ARL3: variants seen among roughly 807,000 people sequenced by gnomAD.
ARL3 encodes the protein ADP-ribosylation factor-like protein 3.
Under a neutral mutation model 26.0 loss-of-function variants are expected in ARL3, and 9 were observed. The ratio of observed to expected loss-of-function variants is 0.35; its 90% CI spans 0.21 to 0.60. The LOEUF is 0.60. ARL3 is among the 20% of genes least tolerant of loss of function. ARL3 has a pLI of 0.78. For missense variants in ARL3, 158 were observed against 215.7 expected (o/e 0.73, Z 1.67); for synonymous variants, 71 against 78.4 (o/e 0.91, Z 0.50).
rs181349523 is a variant in ARL3 at position 102,675,628 on chromosome 10, C to T, written c.*1266G>A. On this transcript the variant is annotated 3_prime_UTR_variant, in exon 6 of 6. Transcript: ENST00000260746. Reference sequence around the variant, plus strand: ...TCAGGGAAACAAGCTCGTTTTGCAACGAGGGGCAGGAGAAATGTTCTGCTA... The same window carrying T: ...TCAGGGAAACAAGCTCGTTTTGCAATGAGGGGCAGGAGAAATGTTCTGCTA... 26 of 152,320 alleles carry T rather than the reference C, an allele frequency of 1.7e-4. No individual in the cohort carries two copies. The highest frequency in any genetic ancestry group is 1.1e-3 in the Admixed American group (17 of 15,292). The allele number at this position is 152,320 out of a possible 1,614,324, so 9.4% of individuals were successfully genotyped here.
rs755847663 is a variant in ARL3 at position 102,699,354 on chromosome 10, C to T, written c.264+19G>A. On this transcript the variant is annotated intron_variant, in intron 3 of 5. Transcript: ENST00000260746. ...TGGCAGAAAATACTATGAATTAGTGCGTCAGAAGGAGTACTTACAAGAATA... is the reference window on the plus strand; with the variant it reads ...TGGCAGAAAATACTATGAATTAGTGTGTCAGAAGGAGTACTTACAAGAATA... 24 of 1,403,716 alleles carry T rather than the reference C, an allele frequency of 1.7e-5. No homozygotes were observed. The highest frequency in any genetic ancestry group is 2.8e-5 in the African/African-American group (2 of 70,634). 87.0% of individuals were successfully genotyped at this position (1,403,716 alleles called of 1,614,324 possible).
intron 1 of ARL3, among the ~76,000 whole-genome samples, chr10:102,707,282 A>C (rs1443000187): frequency 6.6e-6 from 1 of 152,068 alleles, no homozygotes; most frequent in Non-Finnish European, 1.5e-5. Context: ...TGGGTGACAG[A>C]GTGAGACTCT....
intron 1 of ARL3, among the ~76,000 whole-genome samples, chr10:102,708,695 A>G (rs1477866116): frequency 2.0e-5 from 3 of 151,654 alleles, no homozygotes. Flanking sequence ...CGTATCTACT[A>G]AAAATACAAA....
chr10:102,686,382 T>C (rs1029071463), intron 4 of ARL3, among the ~76,000 whole-genome samples: 10 of 29,466 alleles, frequency 3.4e-4, no homozygotes, highest in Admixed American at 2.9e-3. Flanking sequence ...AACCATGCAG[T>C]TCTAATCAGA....
chr10:102,688,780 G>A (rs980538514), intron 4 of ARL3, among the ~76,000 whole-genome samples: 1 of 152,098 alleles, frequency 6.6e-6, no homozygotes, highest in African/African-American at 2.4e-5. Context: ...TGGGATTACA[G>A]GCGCGAGCCA....
intron 1 of ARL3, among the ~76,000 whole-genome samples, chr10:102,708,908 A>ATATTTTTTTTTT: frequency 5.2e-4 from 50 of 95,310 alleles, no homozygotes; most frequent in African/African-American, 1.9e-3. Context: ...ATATATATAT[A>ATATTTTTTTTTT]TTTTTTTTTT....
intron 3 of ARL3, among the ~76,000 whole-genome samples, chr10:102,698,938 G>C (rs577417080): frequency 6.6e-6 from 1 of 152,146 alleles, no homozygotes; most frequent in Non-Finnish European, 1.5e-5. Flanking sequence ...ACAGTTCCCA[G>C]TGTTCTCTTT....
intron 5 of ARL3, among the ~76,000 whole-genome samples, chr10:102,682,701 A>G (rs1450302702): frequency 6.6e-6 from 1 of 152,216 alleles, no homozygotes; most frequent in African/African-American, 2.4e-5. Flanking sequence ...TAAGCAGTAC[A>G]AGACAGGTCT....
rs539304293 is a variant in ARL3, at chr10:102,705,406, G to A, written c.87C>T (p.Gly29=). The part of the protein sequence containing the change: ...RILLLGLDNA[G]KTTLLKQLAS... ...CAAGCTGCTTCAGAAGAGTGGTCTT[G>A]CCAGCATTATCCAAGCCCAGGAGAA... is the stretch of plus-strand genomic sequence containing the variant. The change falls in exon 2 of 6, where the codon GGC becomes GGT. Residue 29 remains glycine, a synonymous_variant. Transcript: ENST00000260746. The A allele has an allele frequency of 3.1e-6, 5 of 1,612,258 alleles. No individual in the cohort carries two copies. Among genetic ancestry groups the A allele is most frequent in the South Asian group, 2.2e-5 (2 of 90,948 alleles).
At position 102,708,909 on chromosome 10, in the gene ARL3, T is replaced by TA. The variant is rs561344200; in HGVS notation, c.4-3421_4-3420insT. Among the ~76,000 whole-genome samples the TA allele has an allele frequency of 6.0e-3, 484 of 80,382 alleles. 4 individuals carry two copies. The highest frequency in any genetic ancestry group is 0.019 in the African/African-American group (367 of 19,660). 52.7% of individuals were successfully genotyped at this position (80,382 alleles called of 152,430 possible). Reference sequence around the variant, plus strand: ...TATTATATATATATATATATATATATTTTTTTTTTTTTTGAGACAAGGTCT... The same window carrying TA: ...TATTATATATATATATATATATATATATTTTTTTTTTTTTGAGACAAGGTCT... On this transcript the variant is annotated intron_variant, in intron 1 of 5. Coordinates refer to ENST00000260746, the MANE Select transcript of ARL3 (RefSeq NM_004311.4).
rs1219950900 is a variant in ARL3 at position 102,676,368 on chromosome 10, C to T, written c.*526G>A. ...CTGCCTTTTCTCCCCCCACCCCCAC[C>T]CAGCAGCTTCCTGTCGGACAGACTG... On this transcript the variant is annotated 3_prime_UTR_variant, in exon 6 of 6. Coordinates refer to ENST00000260746, the MANE Select transcript of ARL3 (RefSeq NM_004311.4). 6 of 152,682 alleles carry T rather than the reference C, an allele frequency of 3.9e-5. No individual in the cohort carries two copies. The highest frequency in any genetic ancestry group is 1.2e-4 in the African/African-American group (5 of 41,388). The allele number at this position is 152,682 out of a possible 1,614,324, so 9.5% of individuals were successfully genotyped here.
At chr10:102,685,320 G>T (rs1240849906) in intron 5 of ARL3, among the ~76,000 whole-genome samples, 1 of 151,682 alleles carries the variant, frequency 6.6e-6, no homozygotes, top group African/African-American at 2.4e-5. Flanking sequence ...CAAAGCATGG[G>T]GCTTTCTGTC....
At chr10:102,701,432 TAC>T (rs1254540031) in intron 2 of ARL3, among the ~76,000 whole-genome samples, 5 of 152,202 alleles carry the variant, frequency 3.3e-5, no homozygotes, top group African/African-American at 1.2e-4. Context: ...CCACTGCGGA[TAC>T]ACAGTCTCTG....
chr10:102,711,134 T>C (rs2064336594), intron 1 of ARL3, among the ~76,000 whole-genome samples: 1 of 152,166 alleles, frequency 6.6e-6, no homozygotes, highest in Non-Finnish European at 1.5e-5. Flanking sequence ...AGCTCAAAAT[T>C]GAGAACTTAA....
chr10:102,713,662 C>A (rs2064361241), intron 1 of ARL3, among the ~76,000 whole-genome samples: 1 of 152,222 alleles, frequency 6.6e-6, no homozygotes, highest in Non-Finnish European at 1.5e-5. Flanking sequence ...GGAAGCGCAC[C>A]CGCCACGCAG....
In ARL3 at chr10:102,688,268, A is replaced by T. The variant is rs2064197892; in HGVS notation, c.315+1625T>A. Among the ~76,000 whole-genome samples, 2 of 152,216 alleles carry T rather than the reference A, an allele frequency of 1.3e-5. 1 individual carries two copies. The highest frequency in any genetic ancestry group is 4.1e-4 in the South Asian group (2 of 4,832). ...TTCAAAGAGAACTGTATGGATCAAG[A>T]GGCAGATGACTACATAGGACCCCCT... On this transcript the variant is annotated intron_variant, in intron 4 of 5. Transcript: ENST00000260746.
At chr10:102,702,349 T>C (rs543731841) in intron 2 of ARL3, among the ~76,000 whole-genome samples, 2 of 152,316 alleles carry the variant, frequency 1.3e-5, no homozygotes, top group South Asian at 4.1e-4. Context: ...CTGGGCATTA[T>C]AGGTGACTTT....
rs2064118493 is a variant in ARL3 at position 102,674,131 on chromosome 10, C to T, written c.*2763G>A. On this transcript the variant is annotated 3_prime_UTR_variant, in exon 6 of 6. Coordinates refer to ENST00000260746, the MANE Select transcript of ARL3 (RefSeq NM_004311.4). The stretch of plus-strand genomic sequence containing the variant: ...GGGGAATAAAGAAATTTGTCAAAAG[C>T]AAGGAGAGAGAAGTGGAGACGGAGG... 1 of 152,576 alleles carries T rather than the reference C, an allele frequency of 6.6e-6. No homozygotes were observed. Among genetic ancestry groups the T allele is most frequent in the Non-Finnish European group, 1.5e-5 (1 of 68,060 alleles). The allele number at this position is 152,576 out of a possible 1,614,324, so 9.5% of individuals were successfully genotyped here.
At chr10:102,695,183 T>C (rs2064240418) in intron 3 of ARL3, among the ~76,000 whole-genome samples, 1 of 152,252 alleles carries the variant, frequency 6.6e-6, no homozygotes, top group African/African-American at 2.4e-5. Flanking sequence ...TGCTGTGATT[T>C]TGATTGGGAT....
Sources: allele counts gnomAD v4.1 joint callset (sites outside exome capture counted in the v4.1 genomes callset), GRCh38; gene constraint gnomAD v4.1.1; transcripts MANE v1.5; gene names NCBI Gene and HGNC (gene_info 2026-07-23, HGNC 2026-07-21).